Variants in TAOK1 observed in about 807,000 individuals in gnomAD.
TAOK1 encodes the protein TAO kinase 1.
TAOK1 carries 21 observed loss-of-function variants against 138.3 expected under a neutral mutation model. The observed-to-expected ratio is 0.15, with a 90% confidence interval of 0.11 to 0.22. The LOEUF (loss-of-function observed/expected upper bound fraction) is 0.22. Ranked by LOEUF, TAOK1 falls within the 10% of genes least tolerant of loss-of-function variation. The pLI is 1.00. For synonymous variants in TAOK1, 361 were observed against 398.4 expected, an observed-to-expected ratio of 0.91 and a Z score of 1.12; for missense variants, 651 against 1,227.7, an observed-to-expected ratio of 0.53 and a Z score of 7.02.
chr17:29,478,198 A>AT (rs1012633837), intron 5 of TAOK1, 53 bp from the exon 6 acceptor site: 64 of 1,404,392 alleles, frequency 4.6e-5, no homozygotes, highest in Middle Eastern at 2.5e-4. Context: ...TTAGATATGT[A>AT]TTTTTTTAAC....
chr17:29,495,776 C>A (rs371654900), intron 11 of TAOK1, 49 bp downstream of exon 11: 24 of 1,421,758 alleles, frequency 1.7e-5, no homozygotes, highest in Non-Finnish European at 2.0e-5. Context: ...CTTTTGGTTT[C>A]TTTCCTTATG....
intron 1 of TAOK1, among the ~76,000 whole-genome samples, chr17:29,440,096 TAAA>T (rs1342388489): frequency 1.3e-5 from 2 of 152,100 alleles, no homozygotes; most frequent in African/African-American, 4.8e-5. Context: ...ATATTAAACT[TAAA>T]AAATTCCTGC....
chr17:29,525,346 C>T (rs931814724), intron 17 of TAOK1, among the ~76,000 whole-genome samples: 25 of 151,962 alleles, frequency 1.6e-4, no homozygotes, highest in Admixed American at 6.6e-5. Context: ...CTCCTGACCT[C>T]GTGATCCGCC....
intron 19 of TAOK1, among the ~76,000 whole-genome samples, chr17:29,540,539 T>C (rs1299275742): frequency 6.6e-6 from 1 of 151,814 alleles, no homozygotes; most frequent in African/African-American, 2.4e-5. Context: ...TAATTTTTCT[T>C]TTTGTTTTTG....
Position 29,551,697 on chromosome 17 carries a change from C to T in TAOK1, c.*8675C>T, listed in dbSNP as rs2032498131. ...TAAGGCTTATTGTACAGTATATTGT[C>T]AGTATTCTTCTGGTTCAGCATACCT... is the stretch of plus-strand genomic sequence containing the variant. On this transcript the variant is annotated 3_prime_UTR_variant, in exon 20 of 20. Coordinates refer to ENST00000261716, the MANE Select transcript of TAOK1 (RefSeq NM_020791.4). 1 of 152,532 alleles carries T rather than the reference C, an allele frequency of 6.6e-6. No individual in the cohort carries two copies. Among genetic ancestry groups the T allele is most frequent in the South Asian group, 2.1e-4 (1 of 4,818 alleles). The allele number at this position is 152,532 out of a possible 1,614,324, so 9.4% of individuals were successfully genotyped here.
chr17:29,424,466 A>G (rs1411899670), intron 1 of TAOK1, among the ~76,000 whole-genome samples: 1 of 150,774 alleles, frequency 6.6e-6, no homozygotes, highest in Non-Finnish European at 1.5e-5. Flanking sequence ...AAAGACAAAT[A>G]GAGACACGGT....
rs1460173917 is a variant in TAOK1 at position 29,481,280 on chromosome 17, G to A, written c.563+799G>A. Among the ~76,000 whole-genome samples the A allele has an allele frequency of 3.3e-5, 5 of 150,746 alleles. No individual in the cohort carries two copies. In the East Asian group the frequency reaches 5.9e-4, roughly 18 times the overall value. On this transcript the variant is annotated intron_variant, in intron 7 of 19. Transcript: ENST00000261716. ...GTGATCTTGGCTCACTGCAACCTCC[G>A]CCTCTTAGGTTCAAGCGATTCTCCT...
At chr17:29,413,239 G>A (rs1310269961) in intron 1 of TAOK1, among the ~76,000 whole-genome samples, 1 of 152,134 alleles carries the variant, frequency 6.6e-6, no homozygotes, top group Non-Finnish European at 1.5e-5. Flanking sequence ...ATACAGTTAG[G>A]AAATATTTCC....
chr17:29,434,048 C>T (rs911597562), intron 1 of TAOK1, among the ~76,000 whole-genome samples: 5 of 152,098 alleles, frequency 3.3e-5, no homozygotes, highest in African/African-American at 1.2e-4. Context: ...AGAAAACATG[C>T]ATCAAAACGA....
chr17:29,463,429 G>A (rs2030577744), intron 2 of TAOK1, among the ~76,000 whole-genome samples: 2 of 152,032 alleles, frequency 1.3e-5, no homozygotes, highest in South Asian at 4.1e-4. Context: ...AAATTAGCCG[G>A]GCATGGTGGC....
chr17:29,524,136 T>TTATGTTGAC (rs1202957382), intron 17 of TAOK1, among the ~76,000 whole-genome samples: 2 of 152,246 alleles, frequency 1.3e-5, no homozygotes, highest in African/African-American at 4.8e-5. Context: ...TACACAGTAG[T>TTATGTTGAC]TATGTTGACT....
rs1330115396 is a variant in TAOK1 at position 29,545,655 on chromosome 17, T to C, written c.*2633T>C. On this transcript the variant is annotated 3_prime_UTR_variant, in exon 20 of 20. Transcript: ENST00000261716. ...AAATTAATTGGTTTGTATATGTTTG[T>C]GAGATCTAGCTTCTGAGGAATCTCA... 2.0e-5 allele frequency: 3 copies of C among 152,178 alleles called. No homozygotes were observed. In the East Asian group the frequency reaches 5.8e-4, roughly 29 times the overall value. 9.4% of individuals were successfully genotyped at this position (152,178 alleles called of 1,614,324 possible). A position where few individuals can be genotyped will look rare whatever the true frequency, so the allele number is the denominator to read the frequency against.
intron 2 of TAOK1, among the ~76,000 whole-genome samples, chr17:29,460,068 A>G (rs2030496184): frequency 6.6e-6 from 1 of 152,230 alleles, no homozygotes; most frequent in Non-Finnish European, 1.5e-5. Flanking sequence ...AAGTGGTGAA[A>G]GTAATGTTTC....
intron 12 of TAOK1, 40 bp downstream of exon 12, chr17:29,498,561 T>C (rs1283852943): frequency 6.3e-7 from 1 of 1,598,176 alleles, no homozygotes; most frequent in Admixed American, 1.7e-5. Context: ...TCAATGTTGG[T>C]AAACTGTTTT....
At chr17:29,484,534 T>TATTTA (rs2031127866) in intron 8 of TAOK1, among the ~76,000 whole-genome samples, 3 of 152,202 alleles carry the variant, frequency 2.0e-5, no homozygotes. Context: ...TAGTCACATG[T>TATTTA]GCTAGTTAGC....
intron 2 of TAOK1, among the ~76,000 whole-genome samples, chr17:29,457,089 CT>C (rs548221652): frequency 2.4e-3 from 255 of 107,382 alleles, no homozygotes; most frequent in Middle Eastern, 6.0e-3. Context: ...TTTTCTTTTT[CT>C]TTTTTTTTTT....
chr17:29,390,974 GCTGCAGGGGGCTGCGC>G lies in TAOK1; in HGVS notation c.-140_-125del, dbSNP rs1399835081. ...CCTCCAGGGTAGCGGCTACCGGAGCGCTGCAGGGGGCTGCGCCTGCCTGCTCCGCCCCAGACCTGTC... is the reference window on the plus strand; with the variant it reads ...CCTCCAGGGTAGCGGCTACCGGAGCGCTGCCTGCTCCGCCCCAGACCTGTC... On this transcript the variant is annotated 5_prime_UTR_variant, in exon 1 of 20. Coordinates refer to ENST00000261716, the MANE Select transcript of TAOK1 (RefSeq NM_020791.4). The G allele has an allele frequency of 1.3e-5, 2 of 152,272 alleles. No individual in the cohort carries two copies. Among genetic ancestry groups the G allele is most frequent in the Non-Finnish European group, 2.9e-5 (2 of 68,080 alleles). The allele number at this position is 152,272 out of a possible 1,614,324, so 9.4% of individuals were successfully genotyped here.
chr17:29,431,907 A>G (rs1463209587), intron 1 of TAOK1, among the ~76,000 whole-genome samples: 1 of 151,532 alleles, frequency 6.6e-6, no homozygotes, highest in Non-Finnish European at 1.5e-5. Context: ...CCCGGGTTCA[A>G]GCGATTCTCC....
At chr17:29,492,008 C>A in intron 10 of TAOK1, 143 bp downstream of exon 10, 1 of 589,438 alleles carries the variant, frequency 1.7e-6, no homozygotes, top group Non-Finnish European at 3.0e-6. Context: ...CCTCAGCCTC[C>A]CAAGTAGCCG....
Sources: allele counts gnomAD v4.1 joint callset (sites outside exome capture counted in the v4.1 genomes callset), GRCh38; gene constraint gnomAD v4.1.1; transcripts MANE v1.5; gene names NCBI Gene and HGNC (gene_info 2026-07-23, HGNC 2026-07-21).